The following BSN variants were observed in gnomAD, a reference collection of about 807,000 sequenced individuals.
The protein encoded by BSN is bassoon presynaptic cytomatrix protein.
A neutral mutation model predicts 264.8 loss-of-function variants in BSN; 57 were observed. That is an observed-to-expected ratio of 0.22 (90% CI 0.17 to 0.27). The LOEUF is 0.27. Ranked by LOEUF, BSN falls within the 10% of genes least tolerant of loss-of-function variation. BSN has a pLI of 1.00. For missense variants in BSN, 4,615 were observed against 5,232.5 expected, an observed-to-expected ratio of 0.88 and a Z score of 3.64; for synonymous variants, 2,059 against 2,137.3, an observed-to-expected ratio of 0.96 and a Z score of 1.01.
intron 1 of BSN, among the ~76,000 whole-genome samples, chr3:49,597,285 A>C (rs186878954): frequency 1.3e-5 from 2 of 152,092 alleles, no homozygotes; most frequent in Admixed American, 1.3e-4. Context: ...TACCAGCTCA[A>C]ATGTAGGATT....
Position 49,662,017 on chromosome 3 carries a change from C to T in BSN, c.10172C>T (p.Pro3391Leu), listed in dbSNP as rs968489729. ...VESDLASYPP[P>L]AVSSSLVSRG... ...TCAGACCTGGCGTCCTACCCCCCACCTGCAGTCAGCAGCAGCCTGGTCTCT... is the reference window on the plus strand; with the variant it reads ...TCAGACCTGGCGTCCTACCCCCCACTTGCAGTCAGCAGCAGCCTGGTCTCT... The change falls in exon 6 of 12, where the codon CCT becomes CTT. Residue 3391 changes from proline to leucine, a missense_variant. Transcript: ENST00000296452. 1.9e-6 allele frequency: 3 copies of T among 1,613,916 alleles called. No homozygotes were observed. The highest frequency in any genetic ancestry group is 2.5e-6 in the Non-Finnish European group (3 of 1,180,040).
Position 49,660,419 on chromosome 3 carries a change from C to T in BSN, c.8641-67C>T. ...TCCCCAGCCCAGGCCTGGGTTCTGCCACCCCACACCCCATCAAGTCACCAC... is the reference window on the plus strand; with the variant it reads ...TCCCCAGCCCAGGCCTGGGTTCTGCTACCCCACACCCCATCAAGTCACCAC... On this transcript the variant is annotated intron_variant, in intron 5 of 11. Coordinates refer to ENST00000296452, the MANE Select transcript of BSN (RefSeq NM_003458.4). This position sits in a 1 kb window ranked among gnomAD's most constrained non-coding sequence, Gnocchi z 7.1. 3 of 1,506,434 alleles carry T rather than the reference C, an allele frequency of 2.0e-6. No homozygotes were observed. Among genetic ancestry groups the T allele is most frequent in the Non-Finnish European group, 2.7e-6 (3 of 1,128,570 alleles). The allele number at this position is 1,506,434 out of a possible 1,614,324, so 93.3% of individuals were successfully genotyped here. A position where few individuals can be genotyped will look rare whatever the true frequency, so the allele number is the denominator to read the frequency against.
chr3:49,581,088 T>C (rs2051892880), intron 1 of BSN, among the ~76,000 whole-genome samples: 1 of 152,038 alleles, frequency 6.6e-6, no homozygotes, highest in Admixed American at 6.6e-5. Flanking sequence ...CTCAAGTGAT[T>C]CTCATGCTTC....
chr3:49,613,495 TA>T, intron 1 of BSN, among the ~76,000 whole-genome samples: 2 of 151,278 alleles, frequency 1.3e-5, no homozygotes, highest in Non-Finnish European at 1.5e-5. Flanking sequence ...TTATTATTAT[TA>T]TTATTATTTT....
intron 1 of BSN, among the ~76,000 whole-genome samples, chr3:49,622,765 TAGTATACTGAAAGGGCCC>T (rs1343790877): frequency 6.6e-6 from 1 of 152,170 alleles, no homozygotes; most frequent in Non-Finnish European, 1.5e-5. Context: ...ACCTAGAAAT[TAGTATACTGAAAGGGCCC>T]AGAGAAGCCC....
chr3:49,627,874 C>T (rs759247544), intron 2 of BSN, among the ~76,000 whole-genome samples: 1 of 152,170 alleles, frequency 6.6e-6, no homozygotes, highest in Non-Finnish European at 1.5e-5. Context: ...CCAGTCCCAG[C>T]GCAGATGCAC....
At position 49,654,783 on chromosome 3, in the gene BSN, G is replaced by GCTCAACAAAAGCAGC. The variant is rs2052581269; in HGVS notation, c.5230_5244dup (p.Gln1744_Pro1748dup). ...CACCATGGCCTCGTCTGTGTTCATG[G>GCTCAACAAAAGCAGC]CTCAACAAAAGCAGCCTGTGGTCTA... On this transcript the variant is annotated inframe_insertion, in exon 5 of 12. Coordinates refer to ENST00000296452, the MANE Select transcript of BSN (RefSeq NM_003458.4). This position sits in a 1 kb window ranked among gnomAD's most constrained non-coding sequence, Gnocchi z 4.1. 6.2e-7 allele frequency: 1 copy of GCTCAACAAAAGCAGC among 1,613,502 alleles called. No individual in the cohort carries two copies. Among genetic ancestry groups the GCTCAACAAAAGCAGC allele is most frequent in the Non-Finnish European group, 8.5e-7 (1 of 1,179,950 alleles).
In BSN at chr3:49,661,352, G is replaced by A. The variant is rs1452187435; in HGVS notation, c.9507G>A (p.Val3169=). 6.2e-7 allele frequency: 1 copy of A among 1,613,860 alleles called. No individual in the cohort carries two copies. Among genetic ancestry groups the A allele is most frequent in the Admixed American group, 1.7e-5 (1 of 60,002 alleles). Residue 3169 remains valine (V), a synonymous_variant, in exon 6 of 12, where the codon GTG becomes GTA. Transcript: ENST00000296452. ...ATGAGGTGATCGCCAGCCCCGTTGT[G>A]CCCATGTCTTCAGCCCCATCTGAAA... ...TNYEVIASPV[V]PMSSAPSETS...
rs1018910750 is a variant in BSN at position 49,654,923 on chromosome 3, G to T, written c.5367G>T (p.Gly1789=). Reference sequence around the variant, plus strand: ...TCCAGACAGCCCCATACCGAAGTGGGCCCCGGGGAAGACCCAGGGAGGCCA... The same window carrying T: ...TCCAGACAGCCCCATACCGAAGTGGTCCCCGGGGAAGACCCAGGGAGGCCA... The part of the protein sequence containing the change: ...QAVQTAPYRS[G]PRGRPREAKF... The change falls in exon 5 of 12, where the codon GGG becomes GGT. Residue 1789 remains glycine, a synonymous_variant. Coordinates refer to ENST00000296452, the MANE Select transcript of BSN (RefSeq NM_003458.4). The surrounding 1 kb of genome is among the most constrained non-coding windows in gnomAD (Gnocchi z 4.1). 1 of 1,611,786 alleles carries T rather than the reference G, an allele frequency of 6.2e-7. No individual in the cohort carries two copies. The highest frequency in any genetic ancestry group is 8.5e-7 in the Non-Finnish European group (1 of 1,178,834).
intron 1 of BSN, among the ~76,000 whole-genome samples, chr3:49,570,805 T>C (rs2051790001): frequency 6.6e-6 from 1 of 152,224 alleles, no homozygotes; most frequent in Admixed American, 6.5e-5. Flanking sequence ...CTCACTCCTC[T>C]GAGCCTGCCT....
At position 49,669,044 on chromosome 3, in the gene BSN, C is replaced by T. The variant is rs904700440; in HGVS notation, c.*1559C>T. ...GGCATGTTTGACCTGTGGCAGGACTCGCTGCTGCCAGGTGAGTCACCGCCT... is the reference window on the plus strand; with the variant it reads ...GGCATGTTTGACCTGTGGCAGGACTTGCTGCTGCCAGGTGAGTCACCGCCT... On this transcript the variant is annotated 3_prime_UTR_variant, in exon 12 of 12. Coordinates refer to ENST00000296452, the MANE Select transcript of BSN (RefSeq NM_003458.4). 6.8e-6 allele frequency: 1 copy of T among 146,136 alleles called. No homozygotes were observed. The highest frequency in any genetic ancestry group is 1.5e-5 in the Non-Finnish European group (1 of 66,598). The allele number at this position is 146,136 out of a possible 1,614,324, so 9.1% of individuals were successfully genotyped here.
rs773455876 is a variant in BSN, at chr3:49,662,006, C to T, written c.10161C>T (p.Ser3387=). The change falls in exon 6 of 12, where the codon TCC becomes TCT. Residue 3387 remains serine, a synonymous_variant. Coordinates refer to ENST00000296452, the MANE Select transcript of BSN (RefSeq NM_003458.4). ...EAKDVESDLA[S]YPPPAVSSSL... ...AAGACGTAGAGTCAGACCTGGCGTCCTACCCCCCACCTGCAGTCAGCAGCA... is the reference window on the plus strand; with the variant it reads ...AAGACGTAGAGTCAGACCTGGCGTCTTACCCCCCACCTGCAGTCAGCAGCA... The T allele has an allele frequency of 1.3e-5, 21 of 1,613,772 alleles. No individual in the cohort carries two copies. The highest frequency in any genetic ancestry group is 1.7e-6 in the Non-Finnish European group (2 of 1,180,036).
At chr3:49,616,335 G>A (rs764527483) in intron 1 of BSN, among the ~76,000 whole-genome samples, 2 of 152,166 alleles carry the variant, frequency 1.3e-5, no homozygotes, top group Non-Finnish European at 2.9e-5. Flanking sequence ...AACCACTGGC[G>A]TGGCCCAGTA....
intron 1 of BSN, among the ~76,000 whole-genome samples, chr3:49,583,740 A>G (rs1345216577): frequency 6.6e-6 from 1 of 152,182 alleles, no homozygotes; most frequent in Non-Finnish European, 1.5e-5. Context: ...TTTATGTGTT[A>G]TAGGTCTATT....
intron 1 of BSN, among the ~76,000 whole-genome samples, chr3:49,568,514 G>A (rs2051771893): frequency 6.6e-6 from 1 of 151,974 alleles, no homozygotes; most frequent in African/African-American, 2.4e-5. Context: ...AAATTTAAGG[G>A]AAAAATATAT....
chr3:49,599,991 C>T (rs560777907), intron 1 of BSN, among the ~76,000 whole-genome samples: 1 of 152,322 alleles, frequency 6.6e-6, no homozygotes, highest in South Asian at 2.1e-4. Context: ...CCCTGGCCTG[C>T]TTCTGGGGCC....
At chr3:49,673,004 C>T (rs986736452), downstream of BSN, among the ~76,000 whole-genome samples, 2 of 147,946 alleles carry the variant, frequency 1.4e-5, no homozygotes, top group African/African-American at 2.5e-5. Flanking sequence ...TGGTCTCGAT[C>T]TCCTGACCTC....
At chr3:49,673,108 T>A (rs2052850209), downstream of BSN, among the ~76,000 whole-genome samples, 1 of 135,068 alleles carries the variant, frequency 7.4e-6, no homozygotes, top group Non-Finnish European at 1.6e-5. Flanking sequence ...TTTTTTTTTT[T>A]TTTTTTTACT....
intron 1 of BSN, among the ~76,000 whole-genome samples, chr3:49,581,552 A>G (rs2108015961): frequency 1.3e-5 from 2 of 152,352 alleles, no homozygotes; most frequent in South Asian, 2.1e-4. Context: ...AAGGCTGGGC[A>G]TGGTGGCTTA....
Sources: gnomAD v4.1 joint callset for allele counts (sites outside exome capture counted in the v4.1 genomes callset) on GRCh38, gnomAD v4.1.1 for gene constraint, Gnocchi (gnomAD v3.1) non-coding constraint, MANE v1.5 for transcripts, NCBI Gene and HGNC (gene_info 2026-07-23, HGNC 2026-07-21) for gene names.